Variants in ZC2HC1A observed in about 807,000 individuals in gnomAD.
ZC2HC1A encodes the protein zinc finger C2HC-type containing 1A, also known as zinc finger C2HC domain-containing protein 1A.
In ZC2HC1A, 28 loss-of-function variants were observed where a neutral mutation model predicts 40.7. That is an observed-to-expected ratio of 0.69 (90% CI 0.51 to 0.94). The LOEUF is 0.94. Ranked by LOEUF, ZC2HC1A falls within the 40% of genes least tolerant of loss-of-function variation. The pLI is 0.00. For missense variants in ZC2HC1A, 389 were observed against 386.3 expected (o/e 1.01, Z -0.06); for synonymous variants, 129 against 129.2 (o/e 1.00, Z 0.01).
rs144183025 is a variant in ZC2HC1A at position 78,679,548 on chromosome 8, T to G, written c.210+869T>G. ...ATTCATGGTTGACTGAATCCATGGA[T>G]GCACAAGCCATGAATATGGAACCCA... is the stretch of plus-strand genomic sequence containing the variant. On this transcript the variant is annotated intron_variant, in intron 3 of 8. Transcript: ENST00000263849. Among the ~76,000 whole-genome samples the G allele has an allele frequency of 6.6e-3, 998 of 152,268 alleles. 12 individuals are homozygous for G. The highest frequency in any genetic ancestry group is 0.022 in the African/African-American group (905 of 41,540).
At chr8:78,684,488 G>C (rs1334456685) in intron 3 of ZC2HC1A, among the ~76,000 whole-genome samples, 1 of 152,176 alleles carries the variant, frequency 6.6e-6, no homozygotes, top group African/African-American at 2.4e-5. Flanking sequence ...CCCATAACAG[G>C]TGGAGTTTAT....
intron 6 of ZC2HC1A, among the ~76,000 whole-genome samples, chr8:78,697,768 TCCCAG>T (rs1388819955): frequency 6.6e-6 from 1 of 150,754 alleles, no homozygotes; most frequent in Admixed American, 6.6e-5. Flanking sequence ...AACCTTCGCC[TCCCAG>T]GTTCAAATGA....
intron 2 of ZC2HC1A, chr8:78,676,134 A>C: frequency 3.9e-6 from 1 of 259,366 alleles, no homozygotes. Context: ...ATAAAAAAAA[A>C]AAAACAAAAT....
chr8:78,677,576 T>C (rs1809622355), intron 2 of ZC2HC1A, among the ~76,000 whole-genome samples: 1 of 152,184 alleles, frequency 6.6e-6, no homozygotes, highest in African/African-American at 2.4e-5. Context: ...ACATTAACTT[T>C]TGTAATCCTA....
chr8:78,676,018 T>C, intron 2 of ZC2HC1A, 155 bp downstream of exon 2: 1 of 488,838 alleles, frequency 2.0e-6, no homozygotes. Flanking sequence ...AGCTATGCCA[T>C]TCTTCCAGAA....
intron 4 of ZC2HC1A, among the ~76,000 whole-genome samples, chr8:78,688,086 T>G (rs934130782): frequency 2.6e-5 from 4 of 151,066 alleles, no homozygotes; most frequent in African/African-American, 9.7e-5. Context: ...GGCCATACTT[T>G]GCGAAACCCT....
chr8:78,674,794 C>G (rs1439862185), intron 1 of ZC2HC1A, among the ~76,000 whole-genome samples: 1 of 152,048 alleles, frequency 6.6e-6, no homozygotes, highest in African/African-American at 2.4e-5. Flanking sequence ...CACTAAATGT[C>G]TTGGATCAGG....
intron 4 of ZC2HC1A, among the ~76,000 whole-genome samples, chr8:78,687,964 A>G (rs1031477288): frequency 6.9e-6 from 1 of 144,308 alleles, no homozygotes; most frequent in Non-Finnish European, 1.5e-5. Context: ...ATCTATATTT[A>G]TATATAAATA....
At chr8:78,709,719 T>TAAA (rs762270772) in intron 7 of ZC2HC1A, among the ~76,000 whole-genome samples, 3 of 130,464 alleles carry the variant, frequency 2.3e-5, no homozygotes, top group Non-Finnish European at 5.0e-5. Context: ...GCTGATGAAC[T>TAAA]AAAAAAAAAA....
At chr8:78,680,872 A>C (rs754148895) in intron 3 of ZC2HC1A, among the ~76,000 whole-genome samples, 1 of 152,162 alleles carries the variant, frequency 6.6e-6, no homozygotes, top group Non-Finnish European at 1.5e-5. Context: ...TAGTATAGGC[A>C]AGACAGAAAC....
rs1809559433 is a variant in ZC2HC1A at position 78,675,783 on chromosome 8, T to G, written c.17-4T>G. ...ATTATTTATTAAATTCCTTCCTGTT[T>G]TAGAGAATGGAGGTGTTGTCCAAGT... On this transcript the variant is annotated splice_polypyrimidine_tract_variant and splice_region_variant and intron_variant, in intron 1 of 8. Coordinates refer to ENST00000263849, the MANE Select transcript of ZC2HC1A (RefSeq NM_016010.3). 9 of 1,601,142 alleles carry G rather than the reference T, an allele frequency of 5.6e-6. No individual in the cohort carries two copies. Among genetic ancestry groups the G allele is most frequent in the Non-Finnish European group, 7.7e-6 (9 of 1,172,750 alleles).
At chr8:78,713,616 G>A (rs1811013409) in intron 7 of ZC2HC1A, among the ~76,000 whole-genome samples, 1 of 152,152 alleles carries the variant, frequency 6.6e-6, no homozygotes, top group South Asian at 2.1e-4. Context: ...TGGACTTGGA[G>A]TGAGCATTTG....
At chr8:78,700,255 T>C (rs1810556846) in intron 7 of ZC2HC1A, among the ~76,000 whole-genome samples, 1 of 152,250 alleles carries the variant, frequency 6.6e-6, no homozygotes, top group Non-Finnish European at 1.5e-5. Flanking sequence ...GTTGACCGCA[T>C]GTATGTCTTC....
rs529689205 is a variant in ZC2HC1A at position 78,686,139 on chromosome 8, T to C, written c.211-328T>C. On this transcript the variant is annotated intron_variant, in intron 3 of 8. Coordinates refer to ENST00000263849, the MANE Select transcript of ZC2HC1A (RefSeq NM_016010.3). The stretch of plus-strand genomic sequence containing the variant: ...ATGTCCCCACCTCGTACTACTGTTA[T>C]AATGGCAATTACATTTTAACATGAG... 1.3e-4 allele frequency among the ~76,000 whole-genome samples: 20 copies of C among 152,338 alleles called. No individual in the cohort carries two copies. The East Asian group carries it at 2.1e-3, about 16-fold the overall frequency.
chr8:78,670,302 A>G (rs1450171962), intron 1 of ZC2HC1A, among the ~76,000 whole-genome samples: 1 of 152,106 alleles, frequency 6.6e-6, no homozygotes, highest in African/African-American at 2.4e-5. Context: ...TTGGCCTGAT[A>G]ATGTCTCCCT....
intron 1 of ZC2HC1A, among the ~76,000 whole-genome samples, chr8:78,672,455 C>A (rs2130417269): frequency 6.6e-6 from 1 of 152,202 alleles, no homozygotes; most frequent in East Asian, 1.9e-4. Context: ...AGTATGCTTT[C>A]TATTATCTGG....
intron 5 of ZC2HC1A, among the ~76,000 whole-genome samples, chr8:78,693,480 C>T (rs1433382081): frequency 6.6e-6 from 1 of 152,146 alleles, no homozygotes; most frequent in Non-Finnish European, 1.5e-5. Flanking sequence ...CTCTGATGGC[C>T]AGTAATGATG....
intron 7 of ZC2HC1A, among the ~76,000 whole-genome samples, chr8:78,707,264 AT>A (rs1231661756): frequency 1.3e-5 from 2 of 152,196 alleles, no homozygotes; most frequent in African/African-American, 4.8e-5. Flanking sequence ...AGTACTGGCA[AT>A]TTTATCAGTT....
At chr8:78,692,905 T>C (rs1810258698) in intron 5 of ZC2HC1A, among the ~76,000 whole-genome samples, 2 of 151,800 alleles carry the variant, frequency 1.3e-5, no homozygotes, top group African/African-American at 4.8e-5. Context: ...CAACAGGCCC[T>C]GGGGTGTGAT....
Sources: allele counts gnomAD v4.1 joint callset (sites outside exome capture counted in the v4.1 genomes callset), GRCh38; gene constraint gnomAD v4.1.1; transcripts MANE v1.5; gene names NCBI Gene and HGNC (gene_info 2026-07-23, HGNC 2026-07-21).